The following GRAMD1B variants were observed in gnomAD, a reference collection of about 807,000 sequenced individuals.
GRAMD1B encodes the protein protein Aster-B.
In GRAMD1B, 37 loss-of-function variants were observed where a neutral mutation model predicts 99.7. The ratio of observed to expected loss-of-function variants is 0.37; its 90% CI spans 0.29 to 0.49. GRAMD1B has a LOEUF of 0.49. GRAMD1B is among the 20% of genes least tolerant of loss of function. The pLI is 0.98. For missense variants in GRAMD1B, 888 were observed against 1,009.2 expected (o/e 0.88, Z 1.63); for synonymous variants, 427 against 387.6 (o/e 1.10, Z -1.19).
At chr11:123,449,584 C>A (rs999719119) in intron 1 of GRAMD1B, among the ~76,000 whole-genome samples, 2 of 152,088 alleles carry the variant, frequency 1.3e-5, no homozygotes, top group African/African-American at 4.8e-5. Context: ...AGAGCAGACA[C>A]TGCTTTTTAT....
intron 1 of GRAMD1B, among the ~76,000 whole-genome samples, chr11:123,375,942 GA>G (rs1022897900): frequency 6.6e-6 from 1 of 151,990 alleles, no homozygotes; most frequent in Non-Finnish European, 1.5e-5. Flanking sequence ...TGAAAAGGTA[GA>G]TTTTTTTTTT....
upstream of GRAMD1B, among the ~76,000 whole-genome samples, chr11:123,428,562 C>A (rs1948734474): frequency 6.6e-6 from 1 of 152,218 alleles, no homozygotes; most frequent in African/African-American, 2.4e-5. Flanking sequence ...CTTGGTTTCC[C>A]AGCCTCTCAA....
intron 7 of GRAMD1B, 65 bp from the exon 8 acceptor site, chr11:123,600,403 C>A: frequency 1.0e-6 from 1 of 1,001,576 alleles, no homozygotes. Context: ...GGATGGAGGA[C>A]CATGTCCCTC....
intron 1 of GRAMD1B, among the ~76,000 whole-genome samples, chr11:123,478,791 G>T (rs1951434804): frequency 6.6e-6 from 1 of 152,166 alleles, no homozygotes; most frequent in Non-Finnish European, 1.5e-5. Context: ...TGCTGATTGT[G>T]GTTGGCTTGG....
At chr11:123,488,940 G>T (rs555650762) in intron 2 of GRAMD1B, among the ~76,000 whole-genome samples, 1 of 152,046 alleles carries the variant, frequency 6.6e-6, no homozygotes, top group Admixed American at 6.5e-5. Flanking sequence ...AGGGGGGGGC[G>T]GTCCTTACCT....
At chr11:123,411,570 C>T (rs1037099500) in intron 1 of GRAMD1B, among the ~76,000 whole-genome samples, 4 of 152,074 alleles carry the variant, frequency 2.6e-5, no homozygotes, top group African/African-American at 7.2e-5. Context: ...TTACATTCCC[C>T]CAGAGATTTA....
At chr11:123,367,772 T>C (rs1459717078) in intron 1 of GRAMD1B, among the ~76,000 whole-genome samples, 3 of 151,764 alleles carry the variant, frequency 2.0e-5, no homozygotes, top group Non-Finnish European at 4.4e-5. Context: ...GTATGGAAGA[T>C]GAACAGAAAC....
At chr11:123,458,686 GTT>G (rs1219399393) in intron 1 of GRAMD1B, 1 of 97,546 alleles carries the variant, frequency 1.0e-5, no homozygotes, top group East Asian at 4.0e-4. Context: ...GTGAAAGGCT[GTT>G]TTGTTTTTTT....
chr11:123,613,841 A>G (rs1028029140), intron 16 of GRAMD1B, among the ~76,000 whole-genome samples, 183 bp downstream of exon 16: 7 of 152,316 alleles, frequency 4.6e-5, no homozygotes, highest in Admixed American at 6.5e-5. Context: ...TAAGTTCCTC[A>G]GCCCCAGCTG....
chr11:123,450,431 T>A (rs544280681), intron 1 of GRAMD1B, among the ~76,000 whole-genome samples: 1 of 152,310 alleles, frequency 6.6e-6, no homozygotes, highest in South Asian at 2.1e-4. Flanking sequence ...CAGATACCGT[T>A]CCTAACACCA....
chr11:123,376,316 A>G (rs1946689419), intron 1 of GRAMD1B, among the ~76,000 whole-genome samples: 1 of 152,210 alleles, frequency 6.6e-6, no homozygotes, highest in South Asian at 2.1e-4. Context: ...GATGGTGTGT[A>G]CAGTTTTGCA....
intron 7 of GRAMD1B, chr11:123,598,978 C>A (rs1177122103): frequency 9.4e-7 from 1 of 1,060,844 alleles, no homozygotes; most frequent in Non-Finnish European, 1.5e-6. Flanking sequence ...GTGATATAAT[C>A]CAGCTTCTCA....
chr11:123,419,424 G>A (rs1948344014), intron 1 of GRAMD1B, among the ~76,000 whole-genome samples: 2 of 152,188 alleles, frequency 1.3e-5, no homozygotes, highest in African/African-American at 4.8e-5. Context: ...GGGACCAGGA[G>A]TTCAAGACCA....
chr11:123,535,306 C>G (rs536332664), intron 2 of GRAMD1B, among the ~76,000 whole-genome samples: 1 of 150,170 alleles, frequency 6.7e-6, no homozygotes, highest in Non-Finnish European at 1.5e-5. Flanking sequence ...TTTTTTTCCC[C>G]CATTTTATAT....
At chr11:123,478,237 C>T (rs1013491008) in intron 1 of GRAMD1B, among the ~76,000 whole-genome samples, 8 of 152,044 alleles carry the variant, frequency 5.3e-5, no homozygotes, top group Non-Finnish European at 1.2e-4. Flanking sequence ...ATCAGGAACT[C>T]CTGGGTTTGA....
rs186245814 is a variant in GRAMD1B, at chr11:123,560,034, A to G, written c.453-17333A>G. Among the ~76,000 whole-genome samples the G allele has an allele frequency of 8.9e-3, 1,325 of 148,456 alleles. 16 individuals are homozygous for G. The highest frequency in any genetic ancestry group is 0.031 in the African/African-American group (1,225 of 39,768). ...GAGTCTCCGGGGAACATGGTCTTGTATTTTGTCGGATTGAGGGTGAAGAGG... is the reference window on the plus strand; with the variant it reads ...GAGTCTCCGGGGAACATGGTCTTGTGTTTTGTCGGATTGAGGGTGAAGAGG... On this transcript the variant is annotated intron_variant, in intron 2 of 19. Transcript: ENST00000635736.
chr11:123,575,444 A>G (rs1948611475), intron 2 of GRAMD1B, among the ~76,000 whole-genome samples: 1 of 152,142 alleles, frequency 6.6e-6, no homozygotes, highest in South Asian at 2.1e-4. Flanking sequence ...CAGTCTCCCA[A>G]GTAGCTGGGA....
intron 1 of GRAMD1B, among the ~76,000 whole-genome samples, chr11:123,467,671 C>G (rs1950758773): frequency 6.6e-6 from 1 of 152,090 alleles, no homozygotes; most frequent in African/African-American, 2.4e-5. Context: ...TGTCTGGAAC[C>G]AATGCCTAAA....
At chr11:123,579,164 G>T (rs2136254056) in intron 3 of GRAMD1B, among the ~76,000 whole-genome samples, 1 of 152,354 alleles carries the variant, frequency 6.6e-6, no homozygotes, top group African/African-American at 2.4e-5. Context: ...TTTCCCGGGA[G>T]CCCAGGAATT....
Sources: gnomAD v4.1 joint callset for allele counts (sites outside exome capture counted in the v4.1 genomes callset) on GRCh38, gnomAD v4.1.1 for gene constraint, MANE v1.5 for transcripts, NCBI Gene and HGNC (gene_info 2026-07-23, HGNC 2026-07-21) for gene names.